TRIT1: variants seen among roughly 807,000 people sequenced by gnomAD.
The protein encoded by TRIT1 is tRNA isopentenyltransferase 1.
TRIT1 carries 43 observed loss-of-function variants against 51.2 expected under a neutral mutation model. The observed-to-expected ratio is 0.84, with a 90% CI of 0.66 to 1.08. The LOEUF (loss-of-function observed/expected upper bound fraction) is 1.08, where lower values mean the gene tolerates loss of function less well. Among genes scored for constraint, TRIT1 ranks in the 50% least tolerant of loss-of-function variants. The pLI is 0.00. For synonymous variants in TRIT1, 184 were observed against 203.9 expected (o/e 0.90, Z 0.83); for missense variants, 528 against 578.4 (o/e 0.91, Z 0.89).
At chr1:39,848,194 T>C in intron 5 of TRIT1, 97 bp from the exon 6 acceptor site, 1 of 831,264 alleles carries the variant, frequency 1.2e-6, no homozygotes, top group Non-Finnish European at 2.0e-6. Flanking sequence ...AAAAGAGAAT[T>C]TGTCCAAACG....
At chr1:39,857,178 G>GC in intron 2 of TRIT1, 99 bp downstream of exon 2, 1 of 1,402,956 alleles carries the variant, frequency 7.1e-7, no homozygotes, top group Non-Finnish European at 9.6e-7. Context: ...GGCCTTGGGT[G>GC]CCCCTTCTGA....
chr1:39,868,822 G>A (rs1441819966), intron 1 of TRIT1, among the ~76,000 whole-genome samples: 4 of 152,178 alleles, frequency 2.6e-5, no homozygotes, highest in African/African-American at 9.7e-5. Flanking sequence ...CACTTTGGGA[G>A]GCCGAGGCGG....
intron 1 of TRIT1, among the ~76,000 whole-genome samples, chr1:39,869,581 G>A (rs1643758914): frequency 6.6e-6 from 1 of 151,986 alleles, no homozygotes; most frequent in Non-Finnish European, 1.5e-5. Flanking sequence ...GGGATGTGAG[G>A]AGCCCCTCTG....
At chr1:39,843,730 T>A (rs190622005) in intron 10 of TRIT1, among the ~76,000 whole-genome samples, 12 of 152,306 alleles carry the variant, frequency 7.9e-5, no homozygotes, top group Admixed American at 6.5e-4. Context: ...CTGGATGAGC[T>A]GCCTGGCTTC....
intron 1 of TRIT1, among the ~76,000 whole-genome samples, chr1:39,866,833 A>G (rs1173047341): frequency 1.3e-5 from 2 of 152,078 alleles, no homozygotes; most frequent in East Asian, 1.9e-4. Flanking sequence ...AAACAAAAAA[A>G]CAGTTTTAAT....
At chr1:39,861,241 G>T (rs1444927614) in intron 1 of TRIT1, among the ~76,000 whole-genome samples, 1 of 152,194 alleles carries the variant, frequency 6.6e-6, no homozygotes, top group Non-Finnish European at 1.5e-5. Context: ...CAATATGGCA[G>T]TTTCGGGAAG....
At position 39,883,095 on chromosome 1, in the gene TRIT1, G is replaced by A. The variant is rs543871688; in HGVS notation, c.174+223C>T. Among the ~76,000 whole-genome samples the A allele has an allele frequency of 4.9e-4, 75 of 152,296 alleles. 2 individuals are homozygous for A. In the South Asian group the frequency reaches 0.014, roughly 28 times the overall value. ...CCTTTCTCCATAAAAGGAGATAATA[G>A]TATCTACCAAATAGTAACGTCGTGA... On this transcript the variant is annotated intron_variant, in intron 1 of 10. Coordinates refer to ENST00000316891, the MANE Select transcript of TRIT1 (RefSeq NM_017646.6).
In TRIT1 at chr1:39,839,920, G is replaced by A. The variant is rs1263345677; in HGVS notation, c.*1824C>T. Among the ~76,000 whole-genome samples, 2 of 152,128 alleles carry A rather than the reference G, an allele frequency of 1.3e-5. No homozygotes were observed. The highest frequency in any genetic ancestry group is 2.4e-5 in the African/African-American group (1 of 41,418). Reference sequence around the variant, plus strand: ...TTAAAACATACTTAGCAACTTGAACGAAGAATATTTCAGAGAAACTAAAGG... The same window carrying A: ...TTAAAACATACTTAGCAACTTGAACAAAGAATATTTCAGAGAAACTAAAGG... On this transcript the variant is annotated 3_prime_UTR_variant, in exon 11 of 11. Coordinates refer to ENST00000316891, the MANE Select transcript of TRIT1 (RefSeq NM_017646.6).
intron 2 of TRIT1, 29 bp from the exon 3 acceptor site, chr1:39,854,097 C>A (rs1249038105): frequency 6.7e-7 from 1 of 1,481,660 alleles, no homozygotes; most frequent in South Asian, 1.2e-5. Flanking sequence ...ATCACGATAT[C>A]AAGAGAATCC....
chr1:39,861,055 C>T (rs564229561), intron 1 of TRIT1, among the ~76,000 whole-genome samples: 9 of 152,050 alleles, frequency 5.9e-5, no homozygotes, highest in Non-Finnish European at 1.2e-4. Context: ...CTAGCCTGGG[C>T]GACGGAGCAA....
At chr1:39,860,843 G>A (rs1278110554) in intron 1 of TRIT1, among the ~76,000 whole-genome samples, 2 of 152,184 alleles carry the variant, frequency 1.3e-5, no homozygotes, top group Non-Finnish European at 2.9e-5. Flanking sequence ...ACTCTGGGAG[G>A]CCGAGGCAGG....
At chr1:39,871,118 G>C (rs1036336706) in intron 1 of TRIT1, among the ~76,000 whole-genome samples, 11 of 152,162 alleles carry the variant, frequency 7.2e-5, no homozygotes, top group African/African-American at 2.6e-4. Flanking sequence ...ATTTGAACCC[G>C]GGAGGCGGAG....
At chr1:39,865,528 A>G (rs1278681728) in intron 1 of TRIT1, among the ~76,000 whole-genome samples, 1 of 152,120 alleles carries the variant, frequency 6.6e-6, no homozygotes. Flanking sequence ...CATAGCATAT[A>G]GAAAAGTGGT....
chr1:39,872,072 T>C (rs1643898279), intron 1 of TRIT1, among the ~76,000 whole-genome samples: 1 of 96,610 alleles, frequency 1.0e-5, no homozygotes, highest in Non-Finnish European at 2.9e-5. Context: ...TGACTAATTT[T>C]TTTTTTTTTT....
chr1:39,853,809 A>T (rs1384938608), intron 3 of TRIT1, 161 bp downstream of exon 3: 1 of 592,818 alleles, frequency 1.7e-6, no homozygotes, highest in Non-Finnish European at 3.0e-6. Flanking sequence ...GGAGGAACAC[A>T]CTTCACACAT....
At chr1:39,874,684 A>C (rs1477581996) in intron 1 of TRIT1, among the ~76,000 whole-genome samples, 4 of 145,898 alleles carry the variant, frequency 2.7e-5, no homozygotes, top group Non-Finnish European at 6.0e-5. Flanking sequence ...TTTTTTTTTG[A>C]GATGGAGTTT....
At chr1:39,878,990 C>G (rs1644156231) in intron 1 of TRIT1, among the ~76,000 whole-genome samples, 5 of 152,200 alleles carry the variant, frequency 3.3e-5, no homozygotes, top group Admixed American at 3.3e-4. Flanking sequence ...AAACTCCTGG[C>G]CTGGCGCAGT....
intron 1 of TRIT1, among the ~76,000 whole-genome samples, chr1:39,859,496 A>T (rs1643113526): frequency 6.7e-6 from 1 of 149,894 alleles, no homozygotes; most frequent in African/African-American, 2.5e-5. Flanking sequence ...AGGTGGGAGG[A>T]TCCTTGTGCC....
At chr1:39,853,253 G>A (rs1570015693) in intron 3 of TRIT1, among the ~76,000 whole-genome samples, 1 of 152,178 alleles carries the variant, frequency 6.6e-6, no homozygotes, top group Non-Finnish European at 1.5e-5. Context: ...TAGCACCTAC[G>A]TAAATAAGGT....
Sources: gnomAD v4.1 joint callset for allele counts (sites outside exome capture counted in the v4.1 genomes callset) on GRCh38, gnomAD v4.1.1 for gene constraint, MANE v1.5 for transcripts, NCBI Gene and HGNC (gene_info 2026-07-23, HGNC 2026-07-21) for gene names.